The following CTNNBIP1 variants were observed in gnomAD, a reference collection of about 807,000 sequenced individuals.
CTNNBIP1 encodes beta-catenin-interacting protein 1.
A neutral mutation model predicts 11.8 loss-of-function variants in CTNNBIP1; 7 were observed. The ratio of observed to expected loss-of-function variants is 0.60; its 90% CI spans 0.34 to 1.12. CTNNBIP1 has a LOEUF of 1.12. Among genes scored for constraint, CTNNBIP1 ranks in the 50% most tolerant of loss-of-function variants. CTNNBIP1 has a pLI of 0.03. For synonymous variants in CTNNBIP1, 58 were observed against 43.9 expected (o/e 1.32, Z -1.26); for missense variants, 101 against 113.4 (o/e 0.89, Z 0.50).
chr1:9,867,275 G>A lies in CTNNBIP1; in HGVS notation c.187+3912C>T, dbSNP rs554756309. Among the ~76,000 whole-genome samples the A allele has an allele frequency of 6.6e-6, 1 of 151,594 alleles. No individual in the cohort carries two copies. The highest frequency in any genetic ancestry group is 1.9e-4 in the East Asian group (1 of 5,150). On this transcript the variant is annotated intron_variant, in intron 5 of 5. Coordinates refer to ENST00000377263, the MANE Select transcript of CTNNBIP1 (RefSeq NM_020248.3). The surrounding 1 kb of genome is among the most constrained non-coding windows in gnomAD (Gnocchi z 4.6). ...GGCTGGGAACTGGGGGGCCACTGGG[G>A]CCTCTGCTGGAACCACCTGGTGAGC...
intron 1 of CTNNBIP1, among the ~76,000 whole-genome samples, chr1:9,887,467 A>T (rs1639209845): frequency 6.6e-6 from 1 of 152,238 alleles, no homozygotes; most frequent in African/African-American, 2.4e-5. Flanking sequence ...CTGTAACCCC[A>T]GCACTTTGGA....
At chr1:9,895,395 G>C (rs1322362926) in intron 1 of CTNNBIP1, among the ~76,000 whole-genome samples, 1 of 147,300 alleles carries the variant, frequency 6.8e-6, no homozygotes, top group African/African-American at 2.5e-5. Context: ...ATGGGGTTTT[G>C]CCATGTTGGG....
At chr1:9,885,386 A>G (rs1376752076) in intron 1 of CTNNBIP1, among the ~76,000 whole-genome samples, 1 of 152,130 alleles carries the variant, frequency 6.6e-6, no homozygotes, top group African/African-American at 2.4e-5. Context: ...AAAGGGGGTG[A>G]TAACAGCACC....
At chr1:9,880,421 T>C (rs1010224728) in intron 2 of CTNNBIP1, among the ~76,000 whole-genome samples, 28 of 152,204 alleles carry the variant, frequency 1.8e-4, no homozygotes, top group African/African-American at 6.8e-4. Flanking sequence ...CTATTGTAAA[T>C]AGTGCTGCAA....
chr1:9,894,903 C>CTTTTTT (rs1557764202), intron 1 of CTNNBIP1, among the ~76,000 whole-genome samples: 2 of 109,470 alleles, frequency 1.8e-5, no homozygotes, highest in African/African-American at 1.0e-4. Flanking sequence ...CCATGCCTGG[C>CTTTTTT]TATTTTTTTT....
At chr1:9,906,476 T>C (rs1402273300) in intron 1 of CTNNBIP1, among the ~76,000 whole-genome samples, 1 of 152,158 alleles carries the variant, frequency 6.6e-6, no homozygotes. Context: ...GAGAATCGTT[T>C]GAACCCAGGA....
rs116256906 is a variant in CTNNBIP1, at chr1:9,905,296, G to A, written c.-144+4799C>T. Among the ~76,000 whole-genome samples, 719 of 152,214 alleles carry A rather than the reference G, an allele frequency of 4.7e-3. 6 individuals are homozygous for A. Among genetic ancestry groups the A allele is most frequent in the African/African-American group, 0.016 (652 of 41,528 alleles). On this transcript the variant is annotated intron_variant, in intron 1 of 5. Transcript: ENST00000377263. Reference sequence around the variant, plus strand: ...TGCAGTCCTCTCTGTCCACAAAGCTGTCCCCCTAGATCACCATCCATGTCT... The same window carrying A: ...TGCAGTCCTCTCTGTCCACAAAGCTATCCCCCTAGATCACCATCCATGTCT...
chr1:9,864,260 CAAG>C (rs958141417), intron 5 of CTNNBIP1, among the ~76,000 whole-genome samples: 2 of 152,236 alleles, frequency 1.3e-5, no homozygotes, highest in Admixed American at 1.3e-4. Context: ...AGAGAAAAAA[CAAG>C]GAGCTTCCTT....
In CTNNBIP1 at chr1:9,883,178, C is replaced by T. The variant is rs111894530; in HGVS notation, c.-110+527G>A. Among the ~76,000 whole-genome samples, 2 of 152,150 alleles carry T rather than the reference C, an allele frequency of 1.3e-5. No homozygotes were observed. Among genetic ancestry groups the T allele is most frequent in the Admixed American group, 1.3e-4 (2 of 15,274 alleles). On this transcript the variant is annotated intron_variant, in intron 2 of 5. Transcript: ENST00000377263. This position sits in a 1 kb window ranked among gnomAD's most constrained non-coding sequence, Gnocchi z 5.6. The stretch of plus-strand genomic sequence containing the variant: ...CTCTCTGGAAGGAAGTCCAACCTGC[C>T]AAGCGGAGGGCATTGGGCCCTGGTC...
At chr1:9,850,976 C>T (rs1194073341) in intron 5 of CTNNBIP1, among the ~76,000 whole-genome samples, 200 bp from the exon 6 acceptor site, 1 of 152,204 alleles carries the variant, frequency 6.6e-6, no homozygotes, top group Admixed American at 6.5e-5. Flanking sequence ...TGCAACCCTG[C>T]TGTAGGGCTG....
At chr1:9,884,774 G>C (rs1031731811) in intron 1 of CTNNBIP1, among the ~76,000 whole-genome samples, 2 of 152,266 alleles carry the variant, frequency 1.3e-5, no homozygotes, top group Middle Eastern at 6.8e-3. Context: ...CCAACCCGCG[G>C]GTGAGTGGGA....
At chr1:9,878,537 C>T (rs1425078515) in intron 2 of CTNNBIP1, among the ~76,000 whole-genome samples, 1 of 152,216 alleles carries the variant, frequency 6.6e-6, no homozygotes, top group Admixed American at 6.5e-5. Flanking sequence ...AAAGCACAGT[C>T]GCAGCTTGTT....
At chr1:9,875,739 A>G (rs757934191) in intron 3 of CTNNBIP1, among the ~76,000 whole-genome samples, 5 of 152,204 alleles carry the variant, frequency 3.3e-5, no homozygotes, top group Non-Finnish European at 5.9e-5. Context: ...GCTGCCTAAC[A>G]AGAGGGCACA....
intron 5 of CTNNBIP1, among the ~76,000 whole-genome samples, chr1:9,866,090 A>C (rs2101466497): frequency 6.6e-6 from 1 of 152,310 alleles, no homozygotes; most frequent in African/African-American, 2.4e-5. Context: ...AAACAATAAG[A>C]TGGAAGCCAC....
At chr1:9,861,854 C>T (rs1386244684) in intron 5 of CTNNBIP1, among the ~76,000 whole-genome samples, 1 of 152,252 alleles carries the variant, frequency 6.6e-6, no homozygotes, top group Admixed American at 6.5e-5. Context: ...CCCTGCACAT[C>T]TAGCCTCAGT....
rs72855801 is a variant in CTNNBIP1 at position 9,856,895 on chromosome 1, G to C, written c.188-6119C>G. Among the ~76,000 whole-genome samples, 528 of 151,934 alleles carry C rather than the reference G, an allele frequency of 3.5e-3. 6 individuals carry two copies. Among genetic ancestry groups the C allele is most frequent in the African/African-American group, 0.012 (480 of 41,452 alleles). On this transcript the variant is annotated intron_variant, in intron 5 of 5. Transcript: ENST00000377263. ...TTCCAGCATTTTGAGAGGCCGAGATGGGGGATCACCTGAGGTCAGGAGTTC... is the reference window on the plus strand; with the variant it reads ...TTCCAGCATTTTGAGAGGCCGAGATCGGGGATCACCTGAGGTCAGGAGTTC...
intron 5 of CTNNBIP1, among the ~76,000 whole-genome samples, chr1:9,860,047 C>G (rs766080555): frequency 5.3e-5 from 8 of 152,184 alleles, no homozygotes; most frequent in Non-Finnish European, 4.4e-5. Flanking sequence ...GGGAACTTCT[C>G]CAGATCCAGG....
chr1:9,869,999 C>A (rs1309218997), intron 5 of CTNNBIP1, among the ~76,000 whole-genome samples: 1 of 152,254 alleles, frequency 6.6e-6, no homozygotes, highest in Non-Finnish European at 1.5e-5. Context: ...TGGTGAGCTG[C>A]TGTCCCAGGG....
chr1:9,864,642 T>C (rs954449413), intron 5 of CTNNBIP1, among the ~76,000 whole-genome samples: 1 of 152,182 alleles, frequency 6.6e-6, no homozygotes, highest in Admixed American at 6.5e-5. Flanking sequence ...AAGGGCCTAT[T>C]CTGAGGCACT....
Sources: allele counts gnomAD v4.1 joint callset (sites outside exome capture counted in the v4.1 genomes callset), GRCh38; gene constraint gnomAD v4.1.1; non-coding constraint Gnocchi (gnomAD v3.1); transcripts MANE v1.5; gene names NCBI Gene and HGNC (gene_info 2026-07-23, HGNC 2026-07-21).